DLGAP2: variants seen among roughly 807,000 people sequenced by gnomAD.
DLGAP2 encodes the protein DLG associated protein 2, also known as disks large-associated protein 2.
Under a neutral mutation model 100.3 loss-of-function variants are expected in DLGAP2, and 26 were observed. The ratio of observed to expected loss-of-function variants is 0.26; its 90% confidence interval spans 0.19 to 0.36. DLGAP2 has a LOEUF of 0.36. Ranked by LOEUF, DLGAP2 falls within the 10% of genes least tolerant of loss-of-function variation. The probability of loss-of-function intolerance (pLI) is 1.00; values close to 1 mark genes in which losing one functional copy is unlikely to be tolerated. For missense variants in DLGAP2, 1,858 were observed against 1,453.2 expected, an observed-to-expected ratio of 1.28 and a Z score of -4.53; for synonymous variants, 886 against 630.1, an observed-to-expected ratio of 1.41 and a Z score of -6.08.
intron 10 of DLGAP2, among the ~76,000 whole-genome samples, chr8:1,673,229 T>G (rs1361165708): frequency 6.6e-6 from 1 of 152,214 alleles, no homozygotes; most frequent in Non-Finnish European, 1.5e-5. Context: ...CCCTCAGCCT[T>G]GCAGAGCACT....
intron 3 of DLGAP2, among the ~76,000 whole-genome samples, chr8:1,414,416 A>C (rs1214442344): frequency 6.6e-6 from 1 of 152,178 alleles, no homozygotes. Context: ...TCAGGTCGTG[A>C]CCCATGGAGC....
chr8:1,245,206 G>C (rs1214700210), intron 2 of DLGAP2, among the ~76,000 whole-genome samples: 1 of 152,140 alleles, frequency 6.6e-6, no homozygotes, highest in African/African-American at 2.4e-5. Flanking sequence ...TTTAAACATA[G>C]AGTTACCATG....
intron 11 of DLGAP2, among the ~76,000 whole-genome samples, chr8:1,677,104 G>T (rs1166145933): frequency 6.6e-6 from 1 of 152,158 alleles, no homozygotes; most frequent in Admixed American, 6.5e-5. Flanking sequence ...GATCATTTTA[G>T]TTTATATTTA....
chr8:840,937 G>A (rs1796972831), intron 1 of DLGAP2, among the ~76,000 whole-genome samples: 1 of 152,226 alleles, frequency 6.6e-6, no homozygotes, highest in Non-Finnish European at 1.5e-5. Flanking sequence ...CAGTGGCTGT[G>A]CCCTTTCATC....
chr8:1,189,169 C>G (rs1161137520), intron 2 of DLGAP2, among the ~76,000 whole-genome samples: 1 of 124,518 alleles, frequency 8.0e-6, no homozygotes, highest in Admixed American at 7.1e-5. Context: ...GGTTCGGGCC[C>G]CAGGCCGATT....
chr8:1,367,229 C>T (rs537375475), intron 3 of DLGAP2, among the ~76,000 whole-genome samples: 30 of 152,212 alleles, frequency 2.0e-4, no homozygotes, highest in Non-Finnish European at 4.1e-4. Flanking sequence ...TGACCATAGC[C>T]TGGTGACTTC....
At chr8:1,388,039 C>T (rs1401437157) in intron 3 of DLGAP2, among the ~76,000 whole-genome samples, 1 of 152,236 alleles carries the variant, frequency 6.6e-6, no homozygotes, top group African/African-American at 2.4e-5. Flanking sequence ...TGGATGCAGC[C>T]AGTGCGTGCG....
chr8:1,459,476 A>G (rs757892), intron 3 of DLGAP2, among the ~76,000 whole-genome samples: 2 of 152,212 alleles, frequency 1.3e-5, no homozygotes, highest in Admixed American at 6.5e-5. Flanking sequence ...AAGATGTTCT[A>G]TTCCATGCAC....
intron 2 of DLGAP2, among the ~76,000 whole-genome samples, chr8:1,174,848 C>T (rs1474466969): frequency 6.6e-6 from 1 of 152,148 alleles, no homozygotes; most frequent in East Asian, 1.9e-4. Context: ...TTCTGTTTAT[C>T]TATGTTTACA....
chr8:907,646 C>T (rs1328390014), intron 1 of DLGAP2, among the ~76,000 whole-genome samples: 2 of 152,148 alleles, frequency 1.3e-5, no homozygotes, highest in African/African-American at 4.8e-5. Context: ...CCTGATGGCC[C>T]ATTAGGGGCA....
intron 2 of DLGAP2, among the ~76,000 whole-genome samples, chr8:1,130,395 A>G (rs1796265385): frequency 6.6e-6 from 1 of 152,216 alleles, no homozygotes; most frequent in Non-Finnish European, 1.5e-5. Context: ...ATGACGATTG[A>G]CATTCAAAGT....
chr8:1,012,585 C>T (rs1442835741), intron 2 of DLGAP2, among the ~76,000 whole-genome samples: 1 of 121,770 alleles, frequency 8.2e-6, no homozygotes, highest in African/African-American at 3.2e-5. Context: ...CCCACTTCAG[C>T]GGCAGTGTGG....
intron 6 of DLGAP2, among the ~76,000 whole-genome samples, chr8:1,588,251 T>C (rs1393767126): frequency 6.6e-6 from 1 of 152,128 alleles, no homozygotes; most frequent in Non-Finnish European, 1.5e-5. Flanking sequence ...CTTAATCTAA[T>C]GGCTATTGAA....
chr8:1,672,717 T>A (rs911560172), intron 10 of DLGAP2, among the ~76,000 whole-genome samples: 1 of 152,062 alleles, frequency 6.6e-6, no homozygotes, highest in Non-Finnish European at 1.5e-5. Context: ...AGGCAGCTGC[T>A]CTTCCTCATG....
intron 1 of DLGAP2, among the ~76,000 whole-genome samples, chr8:889,860 G>C (rs904957266): frequency 6.6e-6 from 1 of 152,222 alleles, no homozygotes; most frequent in Non-Finnish European, 1.5e-5. Flanking sequence ...TTCACGTTCC[G>C]GGGCTGGAAC....
intron 2 of DLGAP2, among the ~76,000 whole-genome samples, chr8:1,169,379 C>T (rs1797082233): frequency 6.6e-6 from 1 of 152,066 alleles, no homozygotes. Flanking sequence ...TTTCTTGGTT[C>T]CATATGAACT....
intron 13 of DLGAP2, among the ~76,000 whole-genome samples, chr8:1,692,978 A>G (rs1409146496): frequency 1.3e-5 from 2 of 148,378 alleles, no homozygotes; most frequent in African/African-American, 4.9e-5. Context: ...TACATCTCAT[A>G]TATATTAGAT....
chr8:1,256,902 G>T (rs1026541340), intron 2 of DLGAP2, among the ~76,000 whole-genome samples: 1 of 152,088 alleles, frequency 6.6e-6, no homozygotes, highest in African/African-American at 2.4e-5. Context: ...TGTGAATGGT[G>T]GTGGCTGGGA....
chr8:871,585 A>T (rs7002351), intron 1 of DLGAP2, among the ~76,000 whole-genome samples: 11,793 of 152,272 alleles, frequency 0.077, 832 homozygotes, highest in Admixed American at 0.22. Flanking sequence ...CCAGCTTCCA[A>T]AACCTTTAGA....
Sources: gnomAD v4.1 joint callset for allele counts (sites outside exome capture counted in the v4.1 genomes callset) on GRCh38, gnomAD v4.1.1 for gene constraint, MANE v1.5 for transcripts, NCBI Gene and HGNC (gene_info 2026-07-23, HGNC 2026-07-21) for gene names.